The following OPRK1 variants were observed in gnomAD, a reference collection of about 807,000 sequenced individuals.
OPRK1 encodes kappa-type opioid receptor.
OPRK1 carries 15 observed loss-of-function variants against 24.5 expected under a neutral mutation model. The ratio of observed to expected loss-of-function variants is 0.61; its 90% CI spans 0.41 to 0.94. The LOEUF is 0.94. OPRK1 is among the 40% of genes least tolerant of loss of function. The pLI, the probability that OPRK1 is intolerant of heterozygous loss-of-function variation, is 0.00. For missense variants in OPRK1, 479 were observed against 507.3 expected, an observed-to-expected ratio of 0.94 and a Z score of 0.54; for synonymous variants, 205 against 198.0, an observed-to-expected ratio of 1.04 and a Z score of -0.30.
In OPRK1 at chr8:53,242,041, C is replaced by T. The variant is rs149802552; in HGVS notation, c.258-6930G>A. ...CAACAGCACCTATAAGAAAATGGCACCTCGCTAATGACTGGCGTGCACTTT... is the reference window on the plus strand; with the variant it reads ...CAACAGCACCTATAAGAAAATGGCATCTCGCTAATGACTGGCGTGCACTTT... On this transcript the variant is annotated intron_variant, in intron 2 of 3. Coordinates refer to ENST00000265572, the MANE Select transcript of OPRK1 (RefSeq NM_000912.5). Among the ~76,000 whole-genome samples, 833 of 152,334 alleles carry T rather than the reference C, an allele frequency of 5.5e-3. 8 individuals are homozygous for T. The highest frequency in any genetic ancestry group is 0.019 in the African/African-American group (772 of 41,582).
intron 2 of OPRK1, among the ~76,000 whole-genome samples, chr8:53,237,901 G>A (rs1807030728): frequency 6.6e-6 from 1 of 152,186 alleles, no homozygotes. Flanking sequence ...CTCAGTGGGA[G>A]GATCTGGATG....
chr8:53,240,132 G>A (rs1006917368), intron 2 of OPRK1, among the ~76,000 whole-genome samples: 3 of 152,106 alleles, frequency 2.0e-5, no homozygotes, highest in Non-Finnish European at 4.4e-5. Flanking sequence ...ACCCCTCAAT[G>A]GACAAAACAA....
chr8:53,243,745 A>G (rs1178357902), intron 2 of OPRK1, among the ~76,000 whole-genome samples: 1 of 152,222 alleles, frequency 6.6e-6, no homozygotes, highest in African/African-American at 2.4e-5. Context: ...TTCTGAAGTT[A>G]TTTTTGCTAC....
At chr8:53,234,112 A>G (rs1400930303) in intron 3 of OPRK1, among the ~76,000 whole-genome samples, 1 of 146,418 alleles carries the variant, frequency 6.8e-6, no homozygotes, top group African/African-American at 2.6e-5. Flanking sequence ...TGAACCCGGG[A>G]GGCAGAGGTT....
intron 2 of OPRK1, among the ~76,000 whole-genome samples, chr8:53,236,326 T>C (rs1454164914): frequency 6.6e-6 from 1 of 152,198 alleles, no homozygotes; most frequent in Admixed American, 6.5e-5. Flanking sequence ...GGGCAGTAGA[T>C]GGCCTGATGC....
intron 2 of OPRK1, among the ~76,000 whole-genome samples, chr8:53,244,886 G>C (rs926742283): frequency 3.9e-5 from 6 of 152,190 alleles, no homozygotes; most frequent in Admixed American, 6.5e-5. Context: ...TGGTATCCCT[G>C]GGGGAGTGGT....
At chr8:53,231,118 A>G (rs1299854392) in intron 3 of OPRK1, among the ~76,000 whole-genome samples, 1 of 152,202 alleles carries the variant, frequency 6.6e-6, no homozygotes, top group East Asian at 1.9e-4. Context: ...GTAGTAAATG[A>G]ACACTTCCAG....
At chr8:53,247,272 A>G (rs540127805) in intron 2 of OPRK1, among the ~76,000 whole-genome samples, 42 of 152,326 alleles carry the variant, frequency 2.8e-4, no homozygotes, top group African/African-American at 9.9e-4. Context: ...GGAAATGAGG[A>G]GCAGAATGGA....
chr8:53,247,927 G>A (rs1807271544), intron 2 of OPRK1, among the ~76,000 whole-genome samples: 1 of 141,714 alleles, frequency 7.1e-6, no homozygotes, highest in South Asian at 2.3e-4. Flanking sequence ...GGAGGCAGAG[G>A]TTGCAATGAG....
rs957468489 is a variant in OPRK1, at chr8:53,227,453, T to C, written c.*1844A>G. 1.3e-5 allele frequency: 2 copies of C among 152,216 alleles called. No homozygotes were observed. Among genetic ancestry groups the C allele is most frequent in the African/African-American group, 4.8e-5 (2 of 41,464 alleles). The allele number at this position is 152,216 out of a possible 1,614,324, so 9.4% of individuals were successfully genotyped here. ...AGGGCTTGTTTCTGGAACTATCCTC[T>C]ATATAGATATCCTTCCTGTACCATA... On this transcript the variant is annotated 3_prime_UTR_variant, in exon 4 of 4. Coordinates refer to ENST00000265572, the MANE Select transcript of OPRK1 (RefSeq NM_000912.5).
In OPRK1 at chr8:53,229,375, C is replaced by G. The variant is rs1806794981; in HGVS notation, c.1065G>C (p.Gln355His). 1.9e-6 allele frequency: 3 copies of G among 1,614,200 alleles called. No homozygotes were observed. The highest frequency in any genetic ancestry group is 2.5e-6 in the Non-Finnish European group (3 of 1,180,044). The change falls in exon 4 of 4, where the codon CAG becomes CAC. Residue 355 changes from glutamine (Q) to histidine (H), a missense_variant. Gln to His is a conservative substitution (Grantham distance 24). Transcript: ENST00000265572. ...CFPLKMRMERQSTSRVRNTVQ... is the reference protein window; with the variant it reads ...CFPLKMRMERHSTSRVRNTVQ... ...CTGTATTTCGGACTCTGCTAGTGCT[C>G]TGCCGCTCCATCCTCATCTTCAGTG...
rs550627033 is a variant in OPRK1, at chr8:53,249,631, C to CA, written c.257+1149dup. The stretch of plus-strand genomic sequence containing the variant: ...GAATAAAAGACCTGACATTCTCAAG[C>CA]AAAAAAGTAAAAATAAAAATAAAGC... On this transcript the variant is annotated intron_variant, in intron 2 of 3. Coordinates refer to ENST00000265572, the MANE Select transcript of OPRK1 (RefSeq NM_000912.5). Among the ~76,000 whole-genome samples the CA allele has an allele frequency of 5.2e-3, 789 of 151,706 alleles. 7 individuals are homozygous for CA. Among genetic ancestry groups the CA allele is most frequent in the African/African-American group, 0.018 (729 of 41,386 alleles).
rs188344674 is a variant in OPRK1 at position 53,233,958 on chromosome 8, G to A, written c.610+801C>T. Among the ~76,000 whole-genome samples, 173 of 152,146 alleles carry A rather than the reference G, an allele frequency of 1.1e-3. 2 individuals are homozygous for A. Among genetic ancestry groups the A allele is most frequent in the Admixed American group, 9.2e-3 (141 of 15,290 alleles). On this transcript the variant is annotated intron_variant, in intron 3 of 3. Transcript: ENST00000265572. The stretch of plus-strand genomic sequence containing the variant: ...CACGCCTGTAATCCCAGCACTTTGG[G>A]AGGCCGAGGCGGGCAGATCACGAGG...
At chr8:53,238,307 C>T (rs890833037) in intron 2 of OPRK1, among the ~76,000 whole-genome samples, 1 of 152,234 alleles carries the variant, frequency 6.6e-6, no homozygotes, top group African/African-American at 2.4e-5. Context: ...ATGGCACCAT[C>T]TGGGTGGGAA....
At chr8:53,230,379 G>A (rs1317159202) in intron 3 of OPRK1, among the ~76,000 whole-genome samples, 11 of 152,098 alleles carry the variant, frequency 7.2e-5, no homozygotes, top group Non-Finnish European at 1.5e-4. Context: ...GTTTAAATAT[G>A]ACTCAAGTAT....
Position 53,241,272 on chromosome 8 carries a change from CATA to C in OPRK1, c.258-6164_258-6162del, listed in dbSNP as rs376273054. Among the ~76,000 whole-genome samples, 20 of 152,270 alleles carry C rather than the reference CATA, an allele frequency of 1.3e-4. No individual in the cohort carries two copies. The East Asian group carries it at 1.5e-3, about 12-fold the overall frequency. On this transcript the variant is annotated intron_variant, in intron 2 of 3. Coordinates refer to ENST00000265572, the MANE Select transcript of OPRK1 (RefSeq NM_000912.5). ...CTTTTCAGTGGAACTTACTTAAAAACATAATGAGTGTTTCACTAAATTTTTCAG... is the reference window on the plus strand; with the variant it reads ...CTTTTCAGTGGAACTTACTTAAAAACATGAGTGTTTCACTAAATTTTTCAG...
chr8:53,250,907 G>T lies in OPRK1; in HGVS notation c.131C>A (p.Ser44Ter), dbSNP rs199804328. 6.2e-7 allele frequency: 1 copy of T among 1,611,440 alleles called. No homozygotes were observed. Among genetic ancestry groups the T allele is most frequent in the Non-Finnish European group, 8.5e-7 (1 of 1,179,234 alleles). Reference sequence around the variant, plus strand: ...CGCGGGCTCCAGCTGCGCGTCCTCCGAGCCGGCGCTGCCGTTGCTGTCGGG... The same window carrying T: ...CGCGGGCTCCAGCTGCGCGTCCTCCTAGCCGGCGCTGCCGTTGCTGTCGGG... ...AEPDSNGSAGSEDAQLEPAHI... is the reference protein window; with the variant it reads ...AEPDSNGSAG The change falls in exon 2 of 4, where the codon TCG (serine) becomes TAG (stop). Residue 44 changes from serine to a stop codon, truncating the protein, a stop_gained. Coordinates refer to ENST00000265572, the MANE Select transcript of OPRK1 (RefSeq NM_000912.5). LOFTEE classifies it high-confidence loss of function.
rs181543905 is a variant in OPRK1, at chr8:53,242,171, G to A, written c.258-7060C>T. Among the ~76,000 whole-genome samples the A allele has an allele frequency of 1.5e-3, 229 of 152,296 alleles. 1 individual carries two copies. The highest frequency in any genetic ancestry group is 3.4e-3 in the Middle Eastern group (1 of 294). On this transcript the variant is annotated intron_variant, in intron 2 of 3. Transcript: ENST00000265572. Reference sequence around the variant, plus strand: ...CCTAAGTCAAAGCAAGCCACAGAGCGTGGGCACATGGAGAGGAGGATGATG... The same window carrying A: ...CCTAAGTCAAAGCAAGCCACAGAGCATGGGCACATGGAGAGGAGGATGATG...
chr8:53,251,261 G>A, intron 1 of OPRK1, 176 bp from the exon 2 acceptor site: 1 of 666,780 alleles, frequency 1.5e-6, no homozygotes, highest in Non-Finnish European at 2.3e-6. Context: ...GCCGCTGGGT[G>A]CCAGAGAGGG....
Sources: gnomAD v4.1 joint callset for allele counts (sites outside exome capture counted in the v4.1 genomes callset) on GRCh38, gnomAD v4.1.1 for gene constraint, MANE v1.5 for transcripts, NCBI Gene and HGNC (gene_info 2026-07-23, HGNC 2026-07-21) for gene names.